Variants in SLC9B2 observed in about 807,000 individuals in gnomAD.
The protein encoded by SLC9B2 is solute carrier family 9 member B2, also known as sodium/hydrogen exchanger 9B2.
SLC9B2 carries 39 observed loss-of-function variants against 52.2 expected under a neutral mutation model. The ratio of observed to expected loss-of-function variants is 0.75; its 90% CI spans 0.58 to 0.98. SLC9B2 has a LOEUF of 0.98. Among genes scored for constraint, SLC9B2 ranks in the 50% least tolerant of loss-of-function variants. The pLI is 0.00. For missense variants in SLC9B2, 626 were observed against 637.5 expected (o/e 0.98, Z 0.19); for synonymous variants, 214 against 227.0 (o/e 0.94, Z 0.51).
intron 6 of SLC9B2, among the ~76,000 whole-genome samples, chr4:103,047,545 T>TC (rs1744278092): frequency 2.4e-5 from 1 of 41,540 alleles, no homozygotes; most frequent in Non-Finnish European, 4.6e-5. Flanking sequence ...CCTCCCCCCC[T>TC]CCCCCCACCC....
At position 103,038,041 on chromosome 4, in the gene SLC9B2, T is replaced by C. The variant is rs934876678; in HGVS notation, c.1146+5255A>G. Reference sequence around the variant, plus strand: ...CACACCCGGGGAAGTTTTGTATTTTTAGTAGAGATGAGGTTTTGTCATGTT... The same window carrying C: ...CACACCCGGGGAAGTTTTGTATTTTCAGTAGAGATGAGGTTTTGTCATGTT... On this transcript the variant is annotated intron_variant, in intron 9 of 11. Transcript: ENST00000394785. Among the ~76,000 whole-genome samples, 9 of 152,062 alleles carry C rather than the reference T, an allele frequency of 5.9e-5. No individual in the cohort carries two copies. In the East Asian group the frequency reaches 1.7e-3, roughly 29 times the overall value.
intron 6 of SLC9B2, 134 bp downstream of exon 6, chr4:103,048,759 A>T: frequency 9.0e-7 from 1 of 1,111,670 alleles, no homozygotes; most frequent in Non-Finnish European, 1.2e-6. Flanking sequence ...TAGAATATTT[A>T]AATTATGCTG....
intron 9 of SLC9B2, among the ~76,000 whole-genome samples, chr4:103,038,471 G>T (rs573641762): frequency 6.6e-6 from 1 of 152,216 alleles, no homozygotes; most frequent in African/African-American, 2.4e-5. Context: ...GTATCTTCTT[G>T]TGGGTTTTTC....
chr4:103,055,368 C>A (rs1278684802), intron 4 of SLC9B2, among the ~76,000 whole-genome samples: 1 of 151,876 alleles, frequency 6.6e-6, no homozygotes, highest in Non-Finnish European at 1.5e-5. Context: ...TGCACATGTA[C>A]CCTAAAACTT....
chr4:103,071,746 A>G (rs531967808), intron 1 of SLC9B2, among the ~76,000 whole-genome samples: 217 of 151,996 alleles, frequency 1.4e-3, no homozygotes, highest in African/African-American at 4.9e-3. Context: ...CCTGACCTCA[A>G]GTGATCCACT....
At chr4:103,052,068 T>C (rs1744734584) in intron 4 of SLC9B2, among the ~76,000 whole-genome samples, 1 of 152,226 alleles carries the variant, frequency 6.6e-6, no homozygotes, top group African/African-American at 2.4e-5. Context: ...TATGAGATCC[T>C]AGTAACAAAG....
intron 3 of SLC9B2, among the ~76,000 whole-genome samples, chr4:103,061,816 T>C (rs767521874): frequency 6.6e-6 from 1 of 152,202 alleles, no homozygotes; most frequent in African/African-American, 2.4e-5. Flanking sequence ...AAACATTTTT[T>C]CAGATGATGT....
At chr4:103,031,624 A>G (rs1379952532) in intron 10 of SLC9B2, 76 bp downstream of exon 10, 5 of 1,043,136 alleles carry the variant, frequency 4.8e-6, no homozygotes, top group Non-Finnish European at 7.3e-6. Flanking sequence ...CAATGAATAT[A>G]AAAAGTAGAC....
chr4:103,054,820 G>A (rs1274768671), intron 4 of SLC9B2, among the ~76,000 whole-genome samples: 1 of 152,214 alleles, frequency 6.6e-6, no homozygotes, highest in Non-Finnish European at 1.5e-5. Context: ...CATTGTGGAA[G>A]TCAGTGTGGT....
In SLC9B2 at chr4:103,026,212, C is replaced by A; in HGVS notation, c.*158G>T. 1 of 607,818 alleles carries A rather than the reference C, an allele frequency of 1.6e-6. No homozygotes were observed. The highest frequency in any genetic ancestry group is 2.5e-5 in the South Asian group (1 of 40,152). 37.7% of individuals were successfully genotyped at this position (607,818 alleles called of 1,614,324 possible). A position where few individuals can be genotyped will look rare whatever the true frequency, so the allele number is the denominator to read the frequency against. On this transcript the variant is annotated 3_prime_UTR_variant, in exon 12 of 12. Transcript: ENST00000394785. Reference sequence around the variant, plus strand: ...GGTTGGTGATATAGATCATTACCACCCACATGGAAAGAGCAAGGGCTAAAA... The same window carrying A: ...GGTTGGTGATATAGATCATTACCACACACATGGAAAGAGCAAGGGCTAAAA...
At chr4:103,018,664 AG>A (rs34705380), downstream of SLC9B2, among the ~76,000 whole-genome samples, 87,254 of 151,914 alleles carry the variant, frequency 0.57, 26,327 homozygotes, top group African/African-American at 0.77. Context: ...ACACCCATAG[AG>A]GGGGAGTGAG....
chr4:103,049,561 CCCTGAA>C, intron 5 of SLC9B2, among the ~76,000 whole-genome samples: 1 of 152,146 alleles, frequency 6.6e-6, no homozygotes, highest in East Asian at 1.9e-4. Flanking sequence ...GTATAGTTAG[CCCTGAA>C]CACTTGTATA....
rs1021617825 is a variant in SLC9B2 at position 103,022,989 on chromosome 4, A to G, written c.*3381T>C. On this transcript the variant is annotated 3_prime_UTR_variant, in exon 12 of 12. Transcript: ENST00000394785. ...GGGAGAGAGACTTCACCAGAGCCCAACAATGCTGGCATCCTGATCTCGAAC... is the reference window on the plus strand; with the variant it reads ...GGGAGAGAGACTTCACCAGAGCCCAGCAATGCTGGCATCCTGATCTCGAAC... Among the ~76,000 whole-genome samples, 5 of 152,242 alleles carry G rather than the reference A, an allele frequency of 3.3e-5. No homozygotes were observed. Among genetic ancestry groups the G allele is most frequent in the African/African-American group, 1.2e-4 (5 of 41,464 alleles).
Position 103,047,198 on chromosome 4 carries a change from C to G in SLC9B2, c.742G>C (p.Val248Leu), listed in dbSNP as rs919691103. The G allele has an allele frequency of 3.1e-6, 5 of 1,613,664 alleles. No individual in the cohort carries two copies. Among genetic ancestry groups the G allele is most frequent in the African/African-American group, 2.7e-5 (2 of 75,014 alleles). ...GFVLGAVSPA[V>L]VVPSMLLLQG... is the part of the protein sequence containing the mutation. ...AAAAGGAGCATTGAAGGCACCACAACAGCTGGAGATACAGCACCTAAAACA... is the reference window on the plus strand; with the variant it reads ...AAAAGGAGCATTGAAGGCACCACAAGAGCTGGAGATACAGCACCTAAAACA... Residue 248 changes from valine to leucine, a missense_variant, in exon 7 of 12, where the codon GTT becomes CTT. Val to Leu is a conservative substitution (Grantham distance 32). Transcript: ENST00000394785.
chr4:103,067,342 T>C, intron 2 of SLC9B2, 119 bp downstream of exon 2: 1 of 821,220 alleles, frequency 1.2e-6, no homozygotes, highest in Non-Finnish European at 2.0e-6. Context: ...GGCAATGATG[T>C]TAGCTGGGAA....
chr4:103,053,942 A>C (rs1183816693), intron 4 of SLC9B2, among the ~76,000 whole-genome samples: 1 of 151,952 alleles, frequency 6.6e-6, no homozygotes, highest in Admixed American at 6.6e-5. Context: ...TGACCTCGTG[A>C]TCTGCCCGCC....
intron 1 of SLC9B2, 57 bp from the exon 2 acceptor site, chr4:103,067,649 G>C: frequency 1.0e-6 from 1 of 959,828 alleles, no homozygotes; most frequent in Non-Finnish European, 1.6e-6. Flanking sequence ...TGATTTCAAA[G>C]ACTTTGGATT....
chr4:103,052,703 A>G (rs996089591), intron 4 of SLC9B2, among the ~76,000 whole-genome samples: 21 of 151,370 alleles, frequency 1.4e-4, no homozygotes, highest in African/African-American at 5.1e-4. Flanking sequence ...GTTTTGGGGG[A>G]TATGAGGGGA....
At chr4:103,019,739 C>T (rs973578657), downstream of SLC9B2, 8 of 985,402 alleles carry the variant, frequency 8.1e-6, no homozygotes, top group East Asian at 4.5e-4. Flanking sequence ...CGGGGCGGGG[C>T]GAGGAGGCGG....
Sources: allele counts gnomAD v4.1 joint callset (sites outside exome capture counted in the v4.1 genomes callset), GRCh38; gene constraint gnomAD v4.1.1; transcripts MANE v1.5; gene names NCBI Gene and HGNC (gene_info 2026-07-23, HGNC 2026-07-21).